LGR6: variants seen among roughly 807,000 people sequenced by gnomAD.
LGR6 encodes leucine rich repeat containing G protein-coupled receptor 6, also known as leucine-rich repeat-containing G protein-coupled receptor 6.
Under a neutral mutation model 69.4 loss-of-function variants are expected in LGR6, and 45 were observed. The ratio of observed to expected loss-of-function variants is 0.65; its 90% CI spans 0.51 to 0.83. The LOEUF (loss-of-function observed/expected upper bound fraction) is 0.83, where lower values mean the gene tolerates loss of function less well. LGR6 is among the 40% of genes least tolerant of loss of function. LGR6 has a pLI of 0.00. For synonymous variants in LGR6, 538 were observed against 555.0 expected (o/e 0.97, Z 0.43); for missense variants, 1,108 against 1,246.7 (o/e 0.89, Z 1.68).
At chr1:202,283,900 G>GC (rs1466607969) in intron 6 of LGR6, among the ~76,000 whole-genome samples, 10 of 152,362 alleles carry the variant, frequency 6.6e-5, no homozygotes, top group African/African-American at 2.4e-4. Flanking sequence ...CCCTGGCTTT[G>GC]CCCCTGCAAG....
chr1:202,283,889 A>G (rs962509999), intron 6 of LGR6, among the ~76,000 whole-genome samples: 3 of 152,162 alleles, frequency 2.0e-5, no homozygotes, highest in Admixed American at 2.0e-4. Flanking sequence ...TTGGCTTCCA[A>G]CCCTGGCTTT....
chr1:202,274,412 C>G (rs1459215731), intron 4 of LGR6, among the ~76,000 whole-genome samples: 1 of 152,114 alleles, frequency 6.6e-6, no homozygotes, highest in African/African-American at 2.4e-5. Flanking sequence ...ATGATCAAAT[C>G]TAAGAACGAG....
intron 4 of LGR6, among the ~76,000 whole-genome samples, chr1:202,274,432 G>A (rs1349795504): frequency 2.0e-5 from 3 of 152,080 alleles, no homozygotes; most frequent in African/African-American, 7.2e-5. Context: ...GGGCTCCCAG[G>A]ACCAGCTGAG....
chr1:202,309,252 C>A, intron 15 of LGR6, 76 bp downstream of exon 15: 1 of 1,555,540 alleles, frequency 6.4e-7, no homozygotes, highest in South Asian at 1.2e-5. Context: ...AGCCAGATGG[C>A]CCCACCCTGA....
intron 3 of LGR6, among the ~76,000 whole-genome samples, chr1:202,232,444 T>C (rs76945633): frequency 0.011 from 1,636 of 152,284 alleles, 8 homozygotes; most frequent in Non-Finnish European, 0.018. Flanking sequence ...CTTGCAAAAC[T>C]ACTGCTGCCT....
intron 1 of LGR6, among the ~76,000 whole-genome samples, chr1:202,200,166 G>A (rs895422894): frequency 6.6e-6 from 1 of 152,236 alleles, no homozygotes; most frequent in Non-Finnish European, 1.5e-5. Flanking sequence ...GATGGTGGAG[G>A]AAGTGATCCT....
At position 202,268,699 on chromosome 1, in the gene LGR6, A is replaced by G. The variant is rs1664870126; in HGVS notation, c.429-7607A>G. On this transcript the variant is annotated intron_variant, in intron 4 of 17. Transcript: ENST00000367278. This position sits in a 1 kb window ranked among gnomAD's most constrained non-coding sequence, Gnocchi z 4.4. ...TGTCAAATGAACTGTCTTTGTCCTC[A>G]AGGTATCTCACCTCCCAGCCTCTTT... Among the ~76,000 whole-genome samples the G allele has an allele frequency of 6.6e-6, 1 of 152,154 alleles. No homozygotes were observed. Among genetic ancestry groups the G allele is most frequent in the East Asian group, 1.9e-4 (1 of 5,182 alleles).
chr1:202,271,782 T>C (rs1257661813), intron 4 of LGR6, among the ~76,000 whole-genome samples: 2 of 121,240 alleles, frequency 1.6e-5, no homozygotes, highest in Non-Finnish European at 3.2e-5. Context: ...CACTCCAGCC[T>C]GGGCAATAAG....
chr1:202,227,794 G>C, intron 2 of LGR6, 142 bp from the exon 3 acceptor site: 1 of 645,282 alleles, frequency 1.5e-6, no homozygotes, highest in South Asian at 1.8e-5. Flanking sequence ...TGCATGTGAA[G>C]TATTAAACGC....
At chr1:202,253,451 C>T (rs1185830129) in intron 4 of LGR6, among the ~76,000 whole-genome samples, 1 of 141,540 alleles carries the variant, frequency 7.1e-6, no homozygotes, top group Admixed American at 7.1e-5. Context: ...CACAGGTGCC[C>T]ACCACCATGC....
intron 1 of LGR6, among the ~76,000 whole-genome samples, chr1:202,224,439 C>G (rs780170203): frequency 6.6e-6 from 1 of 152,122 alleles, no homozygotes; most frequent in Non-Finnish European, 1.5e-5. Flanking sequence ...AGTGGTGTGC[C>G]AGTTCTGTGA....
At chr1:202,303,413 C>G in intron 10 of LGR6, 66 bp downstream of exon 10, 1 of 1,265,320 alleles carries the variant, frequency 7.9e-7, no homozygotes, top group Non-Finnish European at 1.2e-6. Flanking sequence ...CTCTTCCACT[C>G]CCTGCCCCTG....
chr1:202,265,376 G>C (rs1182633393), intron 4 of LGR6, among the ~76,000 whole-genome samples: 1 of 152,356 alleles, frequency 6.6e-6, no homozygotes, highest in African/African-American at 2.4e-5. Context: ...ATGGGTTCCA[G>C]ATGGGGAGAG....
At chr1:202,213,696 A>G (rs1341852143) in intron 1 of LGR6, among the ~76,000 whole-genome samples, 1 of 152,224 alleles carries the variant, frequency 6.6e-6, no homozygotes, top group African/African-American at 2.4e-5. Context: ...GGGTTCTCCC[A>G]TTTAAACCTC....
rs760517633 is a variant in LGR6 at position 202,318,636 on chromosome 1, T to C, written c.2333T>C (p.Leu778Pro). The C allele has an allele frequency of 4.3e-6, 7 of 1,613,752 alleles. No individual in the cohort carries two copies. In the Admixed American group the frequency reaches 1.2e-4, roughly 27 times the overall value. ...DCAMVRHVAW[L>P]IFADGLLYCP... is the part of the protein sequence containing the mutation. ...GCCATGGTGAGGCACGTGGCCTGGC[T>C]CATCTTCGCAGACGGGCTCCTCTAC... is the stretch of plus-strand genomic sequence containing the variant. The change falls in exon 18 of 18, where the codon CTC becomes CCC. Residue 778 changes from leucine (L) to proline (P), a missense_variant. By Grantham distance (98) the Leu-to-Pro change is moderately conservative (BLOSUM62 -3). Transcript: ENST00000367278.
At chr1:202,194,267 C>T in intron 1 of LGR6, 66 bp downstream of exon 1, 1 of 1,200,294 alleles carries the variant, frequency 8.3e-7, no homozygotes, top group East Asian at 2.7e-5. Flanking sequence ...GTCCCGGCCT[C>T]AGCAGGGCAC....
rs562757685 is a variant in LGR6 at position 202,277,033 on chromosome 1, A to C, written c.644+512A>C. 2.0e-5 allele frequency among the ~76,000 whole-genome samples: 3 copies of C among 152,178 alleles called. No individual in the cohort carries two copies. In the East Asian group the frequency reaches 5.8e-4, roughly 30 times the overall value. ...CCTGGGAGATAGCATCCCTGGCAGG[A>C]ATTGGGGACTGGGGTTAACTCTGCC... On this transcript the variant is annotated intron_variant, in intron 5 of 17. Coordinates refer to ENST00000367278, the MANE Select transcript of LGR6 (RefSeq NM_001017403.2).
intron 11 of LGR6, among the ~76,000 whole-genome samples, chr1:202,305,092 C>T (rs1299310008): frequency 2.0e-5 from 3 of 152,132 alleles, no homozygotes; most frequent in African/African-American, 4.8e-5. Flanking sequence ...GGACCATAGC[C>T]CCTCAGCTCA....
At chr1:202,194,951 C>T (rs1325969552) in intron 1 of LGR6, among the ~76,000 whole-genome samples, 1 of 152,196 alleles carries the variant, frequency 6.6e-6, no homozygotes, top group Non-Finnish European at 1.5e-5. Flanking sequence ...GGGGACCCTA[C>T]TGGGGGCAGC....
Sources: gnomAD v4.1 joint callset for allele counts (sites outside exome capture counted in the v4.1 genomes callset) on GRCh38, gnomAD v4.1.1 for gene constraint, Gnocchi (gnomAD v3.1) non-coding constraint, MANE v1.5 for transcripts, NCBI Gene and HGNC (gene_info 2026-07-23, HGNC 2026-07-21) for gene names.